The following MAPK6 variants were observed in gnomAD, a reference collection of about 807,000 sequenced individuals.
The protein encoded by MAPK6 is ERK-3.
A neutral mutation model predicts 59.3 loss-of-function variants in MAPK6; 19 were observed. The ratio of observed to expected loss-of-function variants is 0.32; its 90% CI spans 0.22 to 0.47. The LOEUF (loss-of-function observed/expected upper bound fraction) is 0.47, where lower values mean the gene tolerates loss of function less well. Ranked by LOEUF, MAPK6 falls within the 20% of genes least tolerant of loss-of-function variation. MAPK6 has a pLI of 1.00. For missense variants in MAPK6, 724 were observed against 847.9 expected, an observed-to-expected ratio of 0.85 and a Z score of 1.81; for synonymous variants, 316 against 290.3, an observed-to-expected ratio of 1.09 and a Z score of -0.90.
chr15:51,997,747 C>T (rs1191242396), intron 2 of MAPK6, among the ~76,000 whole-genome samples: 3 of 151,564 alleles, frequency 2.0e-5, no homozygotes, highest in Non-Finnish European at 4.4e-5. Flanking sequence ...CCCGCCACCA[C>T]ACCCAGCTAA....
chr15:52,053,426 G>A (rs1596004268), intron 3 of MAPK6, among the ~76,000 whole-genome samples: 1 of 152,190 alleles, frequency 6.6e-6, no homozygotes, highest in East Asian at 1.9e-4. Context: ...ATGATTGAAT[G>A]TCTGTCCAGA....
chr15:52,053,045 G>A (rs1007127677), intron 3 of MAPK6, among the ~76,000 whole-genome samples: 10 of 151,226 alleles, frequency 6.6e-5, no homozygotes, highest in South Asian at 6.3e-4. Flanking sequence ...CCATCCTATC[G>A]GGTATGAAGT....
At chr15:51,971,932 A>C in intron 1 of MAPK6, 1 of 576,722 alleles carries the variant, frequency 1.7e-6, no homozygotes, top group Non-Finnish European at 3.1e-6. Flanking sequence ...AAGCCCGGCC[A>C]TTTCGTCAAT....
intron 2 of MAPK6, among the ~76,000 whole-genome samples, chr15:52,048,218 C>T (rs941577486): frequency 3.9e-5 from 6 of 152,090 alleles, no homozygotes; most frequent in Non-Finnish European, 8.8e-5. Flanking sequence ...AGTGTGATCT[C>T]AGCTCATTGC....
chr15:52,044,915 A>AT (rs1423058657), intron 1 of MAPK6, among the ~76,000 whole-genome samples: 22 of 135,700 alleles, frequency 1.6e-4, no homozygotes, highest in African/African-American at 3.6e-4. Flanking sequence ...TATTTGTCTC[A>AT]TTTTTTTTTC....
At chr15:52,053,478 G>A (rs761112564) in intron 3 of MAPK6, among the ~76,000 whole-genome samples, 1 of 152,092 alleles carries the variant, frequency 6.6e-6, no homozygotes, top group Non-Finnish European at 1.5e-5. Flanking sequence ...TTTTATTATT[G>A]AGTTGTAAGA....
At chr15:52,030,704 G>A (rs547246478) in intron 1 of MAPK6, among the ~76,000 whole-genome samples, 2 of 131,768 alleles carry the variant, frequency 1.5e-5, no homozygotes, top group South Asian at 5.2e-4. Context: ...TTGGCTCAGT[G>A]CAACCTGCGC....
At chr15:52,032,695 T>C (rs1390625496) in intron 1 of MAPK6, among the ~76,000 whole-genome samples, 2 of 152,066 alleles carry the variant, frequency 1.3e-5, no homozygotes, top group African/African-American at 2.4e-5. Flanking sequence ...TTTCTTTTTT[T>C]GTTTTTGACA....
In MAPK6 at chr15:52,062,746, C is replaced by T. The variant is rs540754633; in HGVS notation, c.1068-1156C>T. On this transcript the variant is annotated intron_variant, in intron 5 of 5. Coordinates refer to ENST00000261845, the MANE Select transcript of MAPK6 (RefSeq NM_002748.4). The stretch of plus-strand genomic sequence containing the variant: ...CACCACTGCACTCCAGCCTGGGCGA[C>T]AGAGCAAGACTCCGTTTCAAATAAA... Among the ~76,000 whole-genome samples, 17 of 152,278 alleles carry T rather than the reference C, an allele frequency of 1.1e-4. No homozygotes were observed. In the South Asian group the frequency reaches 3.5e-3, roughly 32 times the overall value.
intron 3 of MAPK6, among the ~76,000 whole-genome samples, chr15:52,051,451 G>A (rs1241033458): frequency 6.6e-6 from 1 of 152,090 alleles, no homozygotes; most frequent in Non-Finnish European, 1.5e-5. Context: ...ACATAAGAAA[G>A]ATTAGTGTAC....
At chr15:52,038,854 ATC>A (rs2031326378) in intron 1 of MAPK6, among the ~76,000 whole-genome samples, 1 of 152,222 alleles carries the variant, frequency 6.6e-6, no homozygotes, top group Non-Finnish European at 1.5e-5. Flanking sequence ...TTTGAATAAC[ATC>A]TCTCCCATTC....
chr15:52,024,004 A>G (rs2030652988), intron 1 of MAPK6, among the ~76,000 whole-genome samples: 2 of 152,264 alleles, frequency 1.3e-5, no homozygotes, highest in African/African-American at 4.8e-5. Flanking sequence ...TGTATAGCAA[A>G]TACAATTTCC....
chr15:52,062,397 C>T lies in MAPK6; in HGVS notation c.1067+897C>T, dbSNP rs538488408. 4.6e-5 allele frequency among the ~76,000 whole-genome samples: 7 copies of T among 152,052 alleles called. No individual in the cohort carries two copies. The East Asian group carries it at 1.3e-3, about 29-fold the overall frequency. ...CTTAACATAGGTTCAGTAAAAGAGACTTTTTTAGGTCTAAACATTAGTGTA... is the reference window on the plus strand; with the variant it reads ...CTTAACATAGGTTCAGTAAAAGAGATTTTTTTAGGTCTAAACATTAGTGTA... On this transcript the variant is annotated intron_variant, in intron 5 of 5. Coordinates refer to ENST00000261845, the MANE Select transcript of MAPK6 (RefSeq NM_002748.4).
At chr15:52,016,313 CG>C, upstream of MAPK6, among the ~76,000 whole-genome samples, 1 of 148,554 alleles carries the variant, frequency 6.7e-6, no homozygotes, top group Middle Eastern at 3.7e-3. Context: ...TGCTTGAACC[CG>C]GGAGGCGGAG....
At chr15:52,041,397 C>T (rs1302282111) in intron 1 of MAPK6, among the ~76,000 whole-genome samples, 1 of 152,038 alleles carries the variant, frequency 6.6e-6, no homozygotes, top group Admixed American at 6.6e-5. Flanking sequence ...GGTTTCTCCA[C>T]GTTGATCAGG....
chr15:52,047,102 G>A, intron 2 of MAPK6, 87 bp downstream of exon 2: 1 of 1,001,394 alleles, frequency 1.0e-6, no homozygotes. Flanking sequence ...GTATATTGTG[G>A]CAGAATTTTT....
chr15:51,985,840 C>T (rs1298791258), intron 2 of MAPK6, among the ~76,000 whole-genome samples: 1 of 151,976 alleles, frequency 6.6e-6, no homozygotes, highest in Non-Finnish European at 1.5e-5. Context: ...CGCCTGTACT[C>T]CCAGCTACTC....
Position 52,065,829 on chromosome 15 carries a change from CTTAAT to C in MAPK6, c.*833_*837del, listed in dbSNP as rs2032401424. The C allele has an allele frequency of 6.6e-6, 1 of 152,582 alleles. No homozygotes were observed. The highest frequency in any genetic ancestry group is 1.9e-4 in the East Asian group (1 of 5,196). The allele number at this position is 152,582 out of a possible 1,614,324, so 9.5% of individuals were successfully genotyped here. A position where few individuals can be genotyped will look rare whatever the true frequency, so the allele number is the denominator to read the frequency against. On this transcript the variant is annotated 3_prime_UTR_variant, in exon 6 of 6. Coordinates refer to ENST00000261845, the MANE Select transcript of MAPK6 (RefSeq NM_002748.4). ...AGCTTATCCTAAGGCTGTCCACGTA[CTTAAT>C]TTACTTAAGTGTTCATTTTAAGTAA...
chr15:52,034,719 A>G (rs2031179187), intron 1 of MAPK6, among the ~76,000 whole-genome samples: 1 of 151,704 alleles, frequency 6.6e-6, no homozygotes, highest in Non-Finnish European at 1.5e-5. Context: ...GTTTATTGAG[A>G]TGGAATCTTC....
Sources: allele counts gnomAD v4.1 joint callset (sites outside exome capture counted in the v4.1 genomes callset), GRCh38; gene constraint gnomAD v4.1.1; transcripts MANE v1.5; gene names NCBI Gene and HGNC (gene_info 2026-07-23, HGNC 2026-07-21).